Variants in PARP15 observed in about 807,000 individuals in gnomAD.
PARP15 encodes protein mono-ADP-ribosyltransferase PARP15.
Under a neutral mutation model 62.1 loss-of-function variants are expected in PARP15, and 50 were observed. The ratio of observed to expected loss-of-function variants is 0.81; its 90% CI spans 0.64 to 1.02. The LOEUF (loss-of-function observed/expected upper bound fraction) is 1.02. Among genes scored for constraint, PARP15 ranks in the 50% least tolerant of loss-of-function variants. The probability of loss-of-function intolerance (pLI) is 0.00; values close to 1 mark genes in which losing one functional copy is unlikely to be tolerated. For synonymous variants in PARP15, 309 were observed against 293.1 expected, an observed-to-expected ratio of 1.05 and a Z score of -0.55; for missense variants, 820 against 826.5, an observed-to-expected ratio of 0.99 and a Z score of 0.10.
chr3:122,626,966 C>T lies in PARP15; in HGVS notation c.1371C>T (p.Tyr457=), dbSNP rs756700029. 1.2e-5 allele frequency: 20 copies of T among 1,613,782 alleles called. No individual in the cohort carries two copies. The highest frequency in any genetic ancestry group is 3.3e-5 in the Admixed American group (2 of 59,978). Residue 457 remains tyrosine (Y), a synonymous_variant, in exon 9 of 12, where the codon TAC becomes TAT. Transcript: ENST00000464300. ...IFQPELLNIF[Y]DSMKKRDLSA... is the part of the protein sequence containing the mutation. Reference sequence around the variant, plus strand: ...AACCTGAGCTGCTAAATATATTCTACGACAGCATGAAAAAAAGAGACCTCT... The same window carrying T: ...AACCTGAGCTGCTAAATATATTCTATGACAGCATGAAAAAAAGAGACCTCT...
At chr3:122,622,126 G>A (rs999872557) in intron 8 of PARP15, among the ~76,000 whole-genome samples, 1 of 152,158 alleles carries the variant, frequency 6.6e-6, no homozygotes, top group Non-Finnish European at 1.5e-5. Flanking sequence ...TGTTCCCTAA[G>A]TATCTTTCCA....
At chr3:122,592,439 G>T (rs1933999548) in intron 1 of PARP15, among the ~76,000 whole-genome samples, 1 of 152,042 alleles carries the variant, frequency 6.6e-6, no homozygotes, top group African/African-American at 2.4e-5. Flanking sequence ...GGGCCTGTCT[G>T]GGAGTGAGGT....
rs568000434 is a variant in PARP15, at chr3:122,621,052, TG to T, written c.1064-387del. On this transcript the variant is annotated intron_variant, in intron 7 of 11. Transcript: ENST00000464300. ...AAATTGCTCTTCTGGGACAGCAGAG[TG>T]GGGGTTAAGAGCTATGGAGACTGGC... 4.0e-5 allele frequency among the ~76,000 whole-genome samples: 6 copies of T among 151,854 alleles called. No individual in the cohort carries two copies. In the South Asian group the frequency reaches 1.3e-3, roughly 32 times the overall value.
chr3:122,598,771 G>C (rs1934554678), intron 1 of PARP15, among the ~76,000 whole-genome samples: 1 of 152,138 alleles, frequency 6.6e-6, no homozygotes, highest in Non-Finnish European at 1.5e-5. Flanking sequence ...ATCCAAGAAG[G>C]TACAGCTTCA....
At chr3:122,603,408 A>AT (rs140264390) in intron 1 of PARP15, among the ~76,000 whole-genome samples, 2,408 of 152,084 alleles carry the variant, frequency 0.016, 66 homozygotes, top group African/African-American at 0.053. Context: ...TTCTAAAAAA[A>AT]CCTCCTGCAT....
At chr3:122,620,315 G>T (rs1936256904) in intron 7 of PARP15, among the ~76,000 whole-genome samples, 2 of 152,324 alleles carry the variant, frequency 1.3e-5, no homozygotes, top group African/African-American at 4.8e-5. Flanking sequence ...CAGCACAACT[G>T]CATATAGCCA....
At chr3:122,616,650 C>G (rs557654584) in intron 5 of PARP15, among the ~76,000 whole-genome samples, 1 of 152,150 alleles carries the variant, frequency 6.6e-6, no homozygotes, top group East Asian at 1.9e-4. Flanking sequence ...ATAAAAGACC[C>G]TCCTAGCAGT....
At chr3:122,578,050 G>GT (rs35358934) in intron 1 of PARP15, among the ~76,000 whole-genome samples, 197 bp downstream of exon 1, 43,665 of 120,058 alleles carry the variant, frequency 0.36, 7,029 homozygotes, top group Admixed American at 0.47. Context: ...CATTTCTGGT[G>GT]GTTTTTTTTT....
intron 1 of PARP15, among the ~76,000 whole-genome samples, chr3:122,585,834 C>T (rs1219552261): frequency 1.3e-5 from 2 of 152,200 alleles, no homozygotes; most frequent in African/African-American, 2.4e-5. Flanking sequence ...GAGGATACAG[C>T]CTTGTGTTCC....
At chr3:122,616,362 C>T (rs1935971627) in intron 5 of PARP15, among the ~76,000 whole-genome samples, 1 of 134,648 alleles carries the variant, frequency 7.4e-6, no homozygotes, top group African/African-American at 2.8e-5. Context: ...TGGAGTCTTG[C>T]TCTGTCACCC....
At chr3:122,608,408 G>A (rs1172059438) in intron 2 of PARP15, among the ~76,000 whole-genome samples, 1 of 151,760 alleles carries the variant, frequency 6.6e-6, no homozygotes, top group Non-Finnish European at 1.5e-5. Flanking sequence ...TAGAGACCGG[G>A]TTTTGCCATG....
chr3:122,587,396 A>AT (rs1933529028), intron 1 of PARP15, among the ~76,000 whole-genome samples: 1 of 152,324 alleles, frequency 6.6e-6, no homozygotes, highest in African/African-American at 2.4e-5. Flanking sequence ...TAGCTGTACC[A>AT]TTTTGCATTC....
Position 122,605,933 on chromosome 3 carries a change from C to T in PARP15, c.187-3C>T, listed in dbSNP as rs1221407324. 3 of 1,550,820 alleles carry T rather than the reference C, an allele frequency of 1.9e-6. No homozygotes were observed. The highest frequency in any genetic ancestry group is 2.4e-5 in the East Asian group (1 of 40,902). On this transcript the variant is annotated splice_region_variant and splice_polypyrimidine_tract_variant and intron_variant, in intron 1 of 11. Transcript: ENST00000464300. ...TGGTAATGCTTTACTGTTTTCTCCA[C>T]AGTCCAGAGACAACAAGTTCAGCAA...
At chr3:122,597,793 G>A (rs1026590678) in intron 1 of PARP15, among the ~76,000 whole-genome samples, 1 of 152,128 alleles carries the variant, frequency 6.6e-6, no homozygotes, top group Admixed American at 6.5e-5. Flanking sequence ...ACAGGGGATA[G>A]ATTCTTGGAC....
chr3:122,582,518 A>G (rs1424052319), intron 1 of PARP15, among the ~76,000 whole-genome samples: 1 of 152,174 alleles, frequency 6.6e-6, no homozygotes, highest in Non-Finnish European at 1.5e-5. Flanking sequence ...ATATTGCTCT[A>G]CTGTTTTCTA....
At chr3:122,632,819 C>A (rs1365234194) in intron 10 of PARP15, among the ~76,000 whole-genome samples, 1 of 152,154 alleles carries the variant, frequency 6.6e-6, no homozygotes, top group East Asian at 1.9e-4. Flanking sequence ...ATGTGTGATC[C>A]ATATTGAAAT....
At chr3:122,630,339 T>C (rs2107599357) in intron 9 of PARP15, among the ~76,000 whole-genome samples, 1 of 152,332 alleles carries the variant, frequency 6.6e-6, no homozygotes, top group South Asian at 2.1e-4. Flanking sequence ...GTGATTTAAA[T>C]GTCTTTCCCC....
rs531916249 is a variant in PARP15, at chr3:122,619,397, A to G, written c.1001-384A>G. On this transcript the variant is annotated intron_variant, in intron 6 of 11. Coordinates refer to ENST00000464300, the MANE Select transcript of PARP15 (RefSeq NM_001113523.3). ...AGGGCAGGGAATCAAAGAACTTAGT[A>G]AAGTGCTTGATTTTATTACAGTTTT... is the stretch of plus-strand genomic sequence containing the variant. Among the ~76,000 whole-genome samples the G allele has an allele frequency of 2.6e-5, 4 of 152,350 alleles. No individual in the cohort carries two copies. The East Asian group carries it at 7.7e-4, about 29-fold the overall frequency.
chr3:122,587,401 G>T (rs1933529488), intron 1 of PARP15, among the ~76,000 whole-genome samples: 1 of 152,192 alleles, frequency 6.6e-6, no homozygotes, highest in African/African-American at 2.4e-5. Context: ...GTACCATTTT[G>T]CATTCCCATC....
Sources: allele counts gnomAD v4.1 joint callset (sites outside exome capture counted in the v4.1 genomes callset), GRCh38; gene constraint gnomAD v4.1.1; transcripts MANE v1.5; gene names NCBI Gene and HGNC (gene_info 2026-07-23, HGNC 2026-07-21).